Variants in COL4A5 observed in about 807,000 individuals in gnomAD.
The protein encoded by COL4A5 is collagen alpha-5(IV) chain.
COL4A5 carries 26 observed loss-of-function variants against 130.2 expected under a neutral mutation model. The ratio of observed to expected loss-of-function variants is 0.20; its 90% CI spans 0.15 to 0.28. The LOEUF is 0.28. COL4A5 is among the 10% of genes least tolerant of loss of function. The pLI, the probability that COL4A5 is intolerant of heterozygous loss-of-function variation, is 1.00. For missense variants in COL4A5, 1,131 were observed against 1,344.3 expected, an observed-to-expected ratio of 0.84 and a Z score of 2.48; for synonymous variants, 496 against 439.6, an observed-to-expected ratio of 1.13 and a Z score of -1.60.
intron 21 of COL4A5, 139 bp downstream of exon 21, chrX:108,591,783 T>C: frequency 2.0e-6 from 1 of 504,689 alleles, no homozygotes; most frequent in Non-Finnish European, 3.5e-6. Context: ...CCAATAGTGT[T>C]ATACTTACAT....
chrX:108,487,738 C>A (rs1161517196), intron 1 of COL4A5, among the ~76,000 whole-genome samples: 4 of 112,298 alleles, frequency 3.6e-5, no homozygotes, highest in Non-Finnish European at 7.5e-5. Context: ...TGTTGTTTCT[C>A]TGACCAAATA....
intron 36 of COL4A5, among the ~76,000 whole-genome samples, chrX:108,638,182 A>G (rs2067390244): frequency 9.0e-6 from 1 of 111,189 alleles, no homozygotes; most frequent in Non-Finnish European, 1.9e-5. Flanking sequence ...ACAAAATACT[A>G]GCATACTGAA....
At chrX:108,689,413 G>A (rs1261491011) in intron 49 of COL4A5, 3 of 751,457 alleles carry the variant, frequency 4.0e-6, no homozygotes, top group Non-Finnish European at 4.7e-6. Flanking sequence ...AAAATGTAAT[G>A]CAGTTAGAAG....
chrX:108,695,708 A>G, intron 52 of COL4A5: 1 of 333,974 alleles, frequency 3.0e-6, no homozygotes, highest in Non-Finnish European at 5.4e-6. Context: ...GACCTTCCTA[A>G]TAAGTCAGCA....
intron 36 of COL4A5, among the ~76,000 whole-genome samples, chrX:108,652,022 C>T (rs187751190): frequency 3.3e-4 from 37 of 111,403 alleles, no homozygotes; most frequent in African/African-American, 1.1e-3. Context: ...AATATGGTGC[C>T]TACAGTTGAC....
At chrX:108,501,464 T>C (rs1201345024) in intron 1 of COL4A5, among the ~76,000 whole-genome samples, 3 of 112,036 alleles carry the variant, frequency 2.7e-5, no homozygotes, top group African/African-American at 9.7e-5. Flanking sequence ...TTGAATAATG[T>C]ACCTTTAGGC....
intron 9 of COL4A5, among the ~76,000 whole-genome samples, chrX:108,575,135 A>G (rs1201039083): frequency 7.2e-5 from 8 of 111,789 alleles, no homozygotes; most frequent in Non-Finnish European, 3.8e-5. Flanking sequence ...ATATCTAAGT[A>G]TAGAATTGCT....
At chrX:108,476,814 C>A (rs765588068) in intron 1 of COL4A5, among the ~76,000 whole-genome samples, 6 of 111,705 alleles carry the variant, frequency 5.4e-5, no homozygotes, top group Non-Finnish European at 7.5e-5. Context: ...ACCACATTTT[C>A]TTTATCTATT....
chrX:108,456,822 G>A (rs1342234934), intron 1 of COL4A5, among the ~76,000 whole-genome samples: 3 of 111,907 alleles, frequency 2.7e-5, no homozygotes, highest in Non-Finnish European at 3.8e-5. Context: ...GCTCAGCCGA[G>A]CTGCTAGGTG....
intron 41 of COL4A5, 116 bp downstream of exon 41, chrX:108,668,620 A>T: frequency 1.9e-6 from 1 of 519,661 alleles, no homozygotes; most frequent in Non-Finnish European, 2.9e-6. Context: ...GGAGGATGTT[A>T]AAAAAAAGAC....
At chrX:108,641,748 G>A (rs952667607) in intron 36 of COL4A5, among the ~76,000 whole-genome samples, 19 of 111,844 alleles carry the variant, frequency 1.7e-4, no homozygotes, top group Non-Finnish European at 1.5e-4. Context: ...GGGCTTGCTG[G>A]GTCACCAAGC....
intron 1 of COL4A5, among the ~76,000 whole-genome samples, chrX:108,479,524 C>T (rs962270046): frequency 1.8e-5 from 2 of 111,781 alleles, no homozygotes; most frequent in South Asian, 3.8e-4. Context: ...TCGTGCAGAA[C>T]GATCTGTGAG....
At chrX:108,671,446 A>C (rs1408251992) in intron 42 of COL4A5, among the ~76,000 whole-genome samples, 1 of 111,965 alleles carries the variant, frequency 8.9e-6, no homozygotes, top group African/African-American at 3.2e-5. Flanking sequence ...TCATTATTTC[A>C]TAGAACCATA....
rs1023723916 is a variant in COL4A5 at position 108,506,305 on chromosome X, A to T, written c.82-33441A>T. Among the ~76,000 whole-genome samples, 19 of 110,056 alleles carry T rather than the reference A, an allele frequency of 1.7e-4. 1 individual carries two copies. The Admixed American group carries it at 1.9e-3, about 11-fold the overall frequency. On this transcript the variant is annotated intron_variant, in intron 1 of 52. Coordinates refer to ENST00000328300, the MANE Select transcript of COL4A5 (RefSeq NM_033380.3). ...AAAGATACTTATTGTTACTTCTTTG[A>T]TAATTGTTTTTTTTCCCACTAGCCT...
chrX:108,653,096 G>A (rs1459740939), intron 36 of COL4A5, among the ~76,000 whole-genome samples: 1 of 111,755 alleles, frequency 8.9e-6, no homozygotes, highest in Non-Finnish European at 1.9e-5. Flanking sequence ...ATGAGTTTGT[G>A]TGTGAATAAT....
intron 36 of COL4A5, among the ~76,000 whole-genome samples, chrX:108,640,480 C>G (rs1262380624): frequency 9.0e-6 from 1 of 110,653 alleles, no homozygotes; most frequent in African/African-American, 3.3e-5. Context: ...AGCATGGGCA[C>G]TATAGTTTAA....
intron 36 of COL4A5, among the ~76,000 whole-genome samples, chrX:108,643,937 T>C (rs2067521112): frequency 1.8e-5 from 2 of 111,923 alleles, no homozygotes; most frequent in Admixed American, 1.9e-4. Flanking sequence ...ACTTAAAAGA[T>C]ATAGAACTAC....
intron 43 of COL4A5, among the ~76,000 whole-genome samples, chrX:108,676,431 A>C: frequency 8.9e-6 from 1 of 111,809 alleles, no homozygotes; most frequent in South Asian, 3.8e-4. Flanking sequence ...GACTTGGCCA[A>C]TGATAAGATC....
At chrX:108,631,566 A>G (rs755013512) in intron 36 of COL4A5, among the ~76,000 whole-genome samples, 49 of 111,093 alleles carry the variant, frequency 4.4e-4, no homozygotes, top group African/African-American at 1.6e-3. Flanking sequence ...TCCAAAATTG[A>G]ACACATAGTT....
Sources: allele counts gnomAD v4.1 joint callset (sites outside exome capture counted in the v4.1 genomes callset), GRCh38; gene constraint gnomAD v4.1.1; transcripts MANE v1.5; gene names NCBI Gene and HGNC (gene_info 2026-07-23, HGNC 2026-07-21).